DYNC2H1: variants seen among roughly 807,000 people sequenced by gnomAD.
The protein encoded by DYNC2H1 is cytoplasmic dynein 2 heavy chain 1.
In DYNC2H1, 410 loss-of-function variants were observed where a neutral mutation model predicts 570.0. The ratio of observed to expected loss-of-function variants is 0.72; its 90% CI spans 0.66 to 0.78. The LOEUF (loss-of-function observed/expected upper bound fraction) is 0.78, where lower values mean the gene tolerates loss of function less well. DYNC2H1 is among the 30% of genes least tolerant of loss of function. The pLI, the probability that DYNC2H1 is intolerant of heterozygous loss-of-function variation, is 0.00. For synonymous variants in DYNC2H1, 1,688 were observed against 1,677.6 expected (o/e 1.01, Z -0.15); for missense variants, 4,865 against 5,046.4 (o/e 0.96, Z 1.09).
chr11:103,348,650 A>C (rs1453602619), intron 82 of DYNC2H1, among the ~76,000 whole-genome samples: 1 of 152,140 alleles, frequency 6.6e-6, no homozygotes, highest in African/African-American at 2.4e-5. Flanking sequence ...TTATTGCTAA[A>C]TAGTATTCCA....
At chr11:103,316,207 C>A (rs1937828988) in intron 79 of DYNC2H1, among the ~76,000 whole-genome samples, 1 of 151,384 alleles carries the variant, frequency 6.6e-6, no homozygotes, top group Non-Finnish European at 1.5e-5. Context: ...TGGAGAAAAT[C>A]CACAATTCTG....
rs1271433573 is a variant in DYNC2H1 at position 103,184,928 on chromosome 11, G to A, written c.6510G>A (p.Gly2170=). 7 of 1,610,896 alleles carry A rather than the reference G, an allele frequency of 4.3e-6. No homozygotes were observed. The highest frequency in any genetic ancestry group is 4.5e-5 in the East Asian group (2 of 44,724). ...NDYVVETSLV[G]TVMNGLSHLH... ...ATGTGGTAGAAACAAGTTTGGTTGG[G>A]ACTGTGATGAATGGTTTGTCACATC... Residue 2170 remains glycine, a synonymous_variant, in exon 41 of 89, where the codon GGG becomes GGA. Coordinates refer to ENST00000375735, the MANE Select transcript of DYNC2H1 (RefSeq NM_001377.3).
Position 103,125,281 on chromosome 11 carries a change from ATTATTC to A in DYNC2H1, c.1847_1852del (p.Ile616_Leu617del), listed in dbSNP as rs773897318. 5 of 1,604,160 alleles carry A rather than the reference ATTATTC, an allele frequency of 3.1e-6. No individual in the cohort carries two copies. The highest frequency in any genetic ancestry group is 3.4e-6 in the Non-Finnish European group (4 of 1,174,534). On this transcript the variant is annotated inframe_deletion, in exon 12 of 89. Coordinates refer to ENST00000375735, the MANE Select transcript of DYNC2H1 (RefSeq NM_001377.3). ...TGCACAGAAATTCTGCAAGCAAGCA[ATTATTC>A]TTAAACAAGTATGAAATTACATTTT...
chr11:103,342,081 A>C (rs1253971798), intron 82 of DYNC2H1, among the ~76,000 whole-genome samples: 1 of 152,120 alleles, frequency 6.6e-6, no homozygotes, highest in Non-Finnish European at 1.5e-5. Flanking sequence ...GTCAAGGCTA[A>C]AGTGATCCGT....
intron 6 of DYNC2H1, among the ~76,000 whole-genome samples, chr11:103,118,686 G>C (rs1020500650): frequency 6.6e-6 from 1 of 152,136 alleles, no homozygotes; most frequent in Non-Finnish European, 1.5e-5. Context: ...TTTGTAAATA[G>C]TTGGTTTACT....
In DYNC2H1 at chr11:103,420,974, G is replaced by A. The variant is rs555835755; in HGVS notation, c.12367-14969G>A. 6.6e-5 allele frequency among the ~76,000 whole-genome samples: 10 copies of A among 152,266 alleles called. No homozygotes were observed. In the East Asian group the frequency reaches 7.7e-4, roughly 12 times the overall value. Reference sequence around the variant, plus strand: ...TAAGGCCCATTGGTATGCTGTCCTCGAGAGATGCACCTCACGTGCAAAGAC... The same window carrying A: ...TAAGGCCCATTGGTATGCTGTCCTCAAGAGATGCACCTCACGTGCAAAGAC... On this transcript the variant is annotated intron_variant, in intron 84 of 88. Transcript: ENST00000375735.
At chr11:103,134,513 TA>T in intron 15 of DYNC2H1, 94 bp downstream of exon 15, 1 of 912,856 alleles carries the variant, frequency 1.1e-6, no homozygotes, top group South Asian at 2.9e-5. Flanking sequence ...TCATAAAAGT[TA>T]TCTTTAAATC....
intron 6 of DYNC2H1, among the ~76,000 whole-genome samples, chr11:103,118,270 C>T (rs1231940899): frequency 1.3e-5 from 2 of 151,746 alleles, no homozygotes; most frequent in African/African-American, 4.8e-5. Flanking sequence ...CTTACAGGGA[C>T]AGGCAAAATG....
rs756642187 is a variant in DYNC2H1, at chr11:103,461,247, A to G, written c.12648+4891A>G. On this transcript the variant is annotated intron_variant, in intron 87 of 88. Transcript: ENST00000375735. The surrounding 1 kb of genome is among the most constrained non-coding windows in gnomAD (Gnocchi z 4.8). ...TTTCAGCAGAGGGGATTGTTTCAAT[A>G]GGAGAAATTTGGATTTGAATTATAC... is the stretch of plus-strand genomic sequence containing the variant. 6.6e-5 allele frequency among the ~76,000 whole-genome samples: 10 copies of G among 152,170 alleles called. No individual in the cohort carries two copies. Among genetic ancestry groups the G allele is most frequent in the Non-Finnish European group, 1.5e-4 (10 of 68,010 alleles).
At chr11:103,227,486 C>T (rs970161805) in intron 59 of DYNC2H1, among the ~76,000 whole-genome samples, 2 of 152,048 alleles carry the variant, frequency 1.3e-5, no homozygotes, top group South Asian at 2.1e-4. Context: ...ATATTTGCAT[C>T]GTTTTGAAGG....
chr11:103,168,610 T>C, intron 31 of DYNC2H1, 145 bp from the exon 32 acceptor site: 1 of 795,262 alleles, frequency 1.3e-6, no homozygotes. Context: ...TTTTAGCTTA[T>C]GTGATTTGTA....
At position 103,199,144 on chromosome 11, in the gene DYNC2H1, T is replaced by C. The variant is rs1591396097; in HGVS notation, c.7840-84T>C. ...TTTTTTCTTGAATGTATCAAAAATA[T>C]AATATTTTAACCTAGGTAAGTAACA... On this transcript the variant is annotated intron_variant, in intron 48 of 88. Transcript: ENST00000375735. This position sits in a 1 kb window ranked among gnomAD's most constrained non-coding sequence, Gnocchi z 4.6. 2 of 976,130 alleles carry C rather than the reference T, an allele frequency of 2.0e-6. No homozygotes were observed. The highest frequency in any genetic ancestry group is 6.5e-5 in the Admixed American group (2 of 30,898). 60.5% of individuals were successfully genotyped at this position (976,130 alleles called of 1,614,324 possible). A position where few individuals can be genotyped will look rare whatever the true frequency, so the allele number is the denominator to read the frequency against.
intron 31 of DYNC2H1, 60 bp from the exon 32 acceptor site, chr11:103,168,695 A>G: frequency 6.5e-7 from 1 of 1,531,884 alleles, no homozygotes; most frequent in Non-Finnish European, 8.9e-7. Flanking sequence ...CGTAATCATA[A>G]ATTATATAAA....
chr11:103,261,034 T>C lies in DYNC2H1; in HGVS notation c.10695+1057T>C, dbSNP rs889371280. ...AAATAGAATTATTATGGTTCAATTA[T>C]ATAGGCTTCTTAGAAAGTGTTGAAA... On this transcript the variant is annotated intron_variant, in intron 70 of 88. Transcript: ENST00000375735. The surrounding 1 kb of genome is among the most constrained non-coding windows in gnomAD (Gnocchi z 4.8). Among the ~76,000 whole-genome samples, 7 of 152,180 alleles carry C rather than the reference T, an allele frequency of 4.6e-5. No homozygotes were observed. The highest frequency in any genetic ancestry group is 4.6e-4 in the Admixed American group (7 of 15,278).
chr11:103,384,071 C>A (rs1351470780), intron 83 of DYNC2H1, among the ~76,000 whole-genome samples: 1 of 152,074 alleles, frequency 6.6e-6, no homozygotes, highest in Non-Finnish European at 1.5e-5. Context: ...TATGCAATAA[C>A]ATTTTGTTAT....
intron 84 of DYNC2H1, chr11:103,407,370 C>T (rs1942903801): frequency 1.3e-5 from 2 of 150,552 alleles, no homozygotes. Flanking sequence ...AGGTTCAATT[C>T]CTATAGTTCT....
chr11:103,116,918 A>G (rs954457650), intron 5 of DYNC2H1, among the ~76,000 whole-genome samples: 2 of 151,808 alleles, frequency 1.3e-5, no homozygotes, highest in African/African-American at 4.8e-5. Flanking sequence ...CCATTGATAT[A>G]ACCAAATTTA....
chr11:103,383,533 G>A (rs1941750561), intron 83 of DYNC2H1, among the ~76,000 whole-genome samples: 2 of 151,468 alleles, frequency 1.3e-5, no homozygotes, highest in South Asian at 2.1e-4. Flanking sequence ...GAGTGCAGTG[G>A]CGCAATCTTG....
In DYNC2H1 at chr11:103,362,689, A is replaced by T. The variant is rs532142044; in HGVS notation, c.12156+4330A>T. Among the ~76,000 whole-genome samples, 14 of 152,256 alleles carry T rather than the reference A, an allele frequency of 9.2e-5. No individual in the cohort carries two copies. The East Asian group carries it at 2.5e-3, about 27-fold the overall frequency. ...CCAAATAGAGCGCTACAAAGTTGCT[A>T]AACATCCTTGTTCCCAATTTAATCT... On this transcript the variant is annotated intron_variant, in intron 83 of 88. Coordinates refer to ENST00000375735, the MANE Select transcript of DYNC2H1 (RefSeq NM_001377.3).
Sources: gnomAD v4.1 joint callset for allele counts (sites outside exome capture counted in the v4.1 genomes callset) on GRCh38, gnomAD v4.1.1 for gene constraint, Gnocchi (gnomAD v3.1) non-coding constraint, MANE v1.5 for transcripts, NCBI Gene and HGNC (gene_info 2026-07-23, HGNC 2026-07-21) for gene names.